Variants in ADAM9 observed in about 807,000 individuals in gnomAD.
ADAM9 encodes ADAM metallopeptidase domain 9, also known as disintegrin and metalloproteinase domain-containing protein 9.
In ADAM9, 54 loss-of-function variants were observed where a neutral mutation model predicts 108.1. The observed-to-expected ratio is 0.50, with a 90% CI of 0.40 to 0.63. ADAM9 has a LOEUF of 0.63. Among genes scored for constraint, ADAM9 ranks in the 20% least tolerant of loss-of-function variants. The probability of loss-of-function intolerance (pLI) is 0.00; values close to 1 mark genes in which losing one functional copy is unlikely to be tolerated. For missense variants in ADAM9, 830 were observed against 997.7 expected (o/e 0.83, Z 2.26); for synonymous variants, 316 against 336.0 (o/e 0.94, Z 0.65).
chr8:39,009,926 G>C (rs1306833282), intron 2 of ADAM9, among the ~76,000 whole-genome samples: 136 of 78,978 alleles, frequency 1.7e-3, no homozygotes, highest in African/African-American at 6.6e-3. Flanking sequence ...GAGAGAGAGA[G>C]AGAGAGACAA....
At position 39,023,112 on chromosome 8, in the gene ADAM9, C is replaced by T. The variant is rs185277254; in HGVS notation, c.745-44C>T. The T allele has an allele frequency of 1.5e-3, 2,283 of 1,533,674 alleles. 1 individual carries two copies. Among genetic ancestry groups the T allele is most frequent in the Non-Finnish European group, 1.9e-3 (2,141 of 1,121,106 alleles). On this transcript the variant is annotated intron_variant, in intron 8 of 21. Transcript: ENST00000487273. Reference sequence around the variant, plus strand: ...TCATGTGGTTAAAAGATTTTTCTCACGTTCTTTACTATATTTTATATACTT... The same window carrying T: ...TCATGTGGTTAAAAGATTTTTCTCATGTTCTTTACTATATTTTATATACTT...
chr8:39,033,429 A>G (rs1274494935), intron 11 of ADAM9, among the ~76,000 whole-genome samples: 1 of 151,896 alleles, frequency 6.6e-6, no homozygotes, highest in Non-Finnish European at 1.5e-5. Flanking sequence ...TCACTGCAGT[A>G]GCTAGGACTA....
chr8:39,017,500 G>T (rs1836575775), intron 6 of ADAM9, 86 bp downstream of exon 6: 1 of 1,401,020 alleles, frequency 7.1e-7, no homozygotes, highest in Non-Finnish European at 9.9e-7. Context: ...ACTATGAGTA[G>T]TGTTTTTTTT....
chr8:39,054,535 G>A lies in ADAM9; in HGVS notation c.1357G>A (p.Ala453Thr). 6.2e-7 allele frequency: 1 copy of A among 1,609,218 alleles called. No homozygotes were observed. Among genetic ancestry groups the A allele is most frequent in the Non-Finnish European group, 8.5e-7 (1 of 1,178,488 alleles). Residue 453 changes from alanine to threonine, a missense_variant, in exon 13 of 22, where the codon GCT becomes ACT. By Grantham distance (58) the Ala-to-Thr change is moderately conservative. This residue lies in a region of ADAM9 where 381 missense variants were observed against 539.8 expected (regional missense o/e 0.71). Transcript: ENST00000487273. ...AAGTACCTGTAAGCTTAAATCATTT[G>A]CTGAGTGTGCATATGGTGACTGTTG... Reference protein sequence around the residue: ...EGSTCKLKSFAECAYGDCCKD... With the variant: ...EGSTCKLKSFTECAYGDCCKD...
rs201439643 is a variant in ADAM9 at position 39,026,693 on chromosome 8, T to C, written c.1013T>C (p.Val338Ala). 417 of 1,614,206 alleles carry C rather than the reference T, an allele frequency of 2.6e-4. 1 individual carries two copies. The highest frequency in any genetic ancestry group is 3.3e-4 in the Non-Finnish European group (395 of 1,180,024). Residue 338 changes from valine (V) to alanine (A), a missense_variant, in exon 11 of 22, where the codon GTG becomes GCG. Val to Ala is a moderately conservative substitution (Grantham distance 64, BLOSUM62 0). This residue lies in a region of ADAM9 where 381 missense variants were observed against 539.8 expected (regional missense o/e 0.71). Coordinates refer to ENST00000487273, the MANE Select transcript of ADAM9 (RefSeq NM_003816.3). ...TCTGAACAGTTTGGACAAATCACTG[T>C]GGAGACATTTGCTTCCATTGTTGCT... is the stretch of plus-strand genomic sequence containing the variant. Reference protein sequence around the residue: ...GGINVFGQITVETFASIVAHE... With the variant: ...GGINVFGQITAETFASIVAHE...
intron 12 of ADAM9, among the ~76,000 whole-genome samples, chr8:39,047,944 A>G (rs1204896459): frequency 6.7e-6 from 1 of 148,496 alleles, no homozygotes; most frequent in African/African-American, 2.5e-5. Context: ...TTTTTTTGAC[A>G]GAGTCTCACT....
chr8:39,084,266 C>G (rs528215299), intron 18 of ADAM9, among the ~76,000 whole-genome samples: 44 of 150,564 alleles, frequency 2.9e-4, no homozygotes, highest in African/African-American at 1.0e-3. Flanking sequence ...TATATTTTCT[C>G]TTAGTCTGCT....
At chr8:39,096,754 A>G (rs1294767091) in intron 20 of ADAM9, among the ~76,000 whole-genome samples, 1 of 152,042 alleles carries the variant, frequency 6.6e-6, no homozygotes, top group East Asian at 1.9e-4. Flanking sequence ...CTTCTGCCTC[A>G]TCATGTTTGT....
chr8:39,005,483 ACTGGG>A, intron 1 of ADAM9, among the ~76,000 whole-genome samples: 1 of 152,360 alleles, frequency 6.6e-6, no homozygotes, highest in East Asian at 1.9e-4. Context: ...TGTTCCATGA[ACTGGG>A]CAATTGTTGG....
chr8:39,096,400 T>G (rs1330577173), intron 20 of ADAM9, among the ~76,000 whole-genome samples: 1 of 152,200 alleles, frequency 6.6e-6, no homozygotes, highest in African/African-American at 2.4e-5. Flanking sequence ...CAATCTATTT[T>G]AAACTGATTA....
Position 38,997,044 on chromosome 8 carries a change from A to C in ADAM9, c.-20A>C, listed in dbSNP as rs1835834472. On this transcript the variant is annotated 5_prime_UTR_variant, in exon 1 of 22. Transcript: ENST00000487273. Reference sequence around the variant, plus strand: ...GTGGAGGCGACCGAGTGCTGAGAGGAACCTGCGGAATCGGCCGAGATGGGG... The same window carrying C: ...GTGGAGGCGACCGAGTGCTGAGAGGCACCTGCGGAATCGGCCGAGATGGGG... 1.2e-6 allele frequency: 2 copies of C among 1,604,644 alleles called. No homozygotes were observed. Among genetic ancestry groups the C allele is most frequent in the Non-Finnish European group, 8.5e-7 (1 of 1,179,226 alleles).
intron 14 of ADAM9, among the ~76,000 whole-genome samples, chr8:39,069,060 C>T (rs1424424635): frequency 1.3e-5 from 2 of 152,162 alleles, no homozygotes; most frequent in Non-Finnish European, 2.9e-5. Flanking sequence ...GTACCTATTA[C>T]TACCAGTTTC....
In ADAM9 at chr8:39,090,215, C is replaced by G. The variant is rs763380085; in HGVS notation, c.2210+27C>G. 6 of 1,559,620 alleles carry G rather than the reference C, an allele frequency of 3.8e-6. No homozygotes were observed. In the Admixed American group the frequency reaches 1.0e-4, roughly 27 times the overall value. ...TACTTAGATTTTTTTCTTTTAATTC[C>G]TATATTAAATATATACATACATTTT... On this transcript the variant is annotated intron_variant, in intron 19 of 21. Transcript: ENST00000487273.
chr8:39,105,256 C>T lies in ADAM9; in HGVS notation c.*1556C>T, dbSNP rs1034289603. On this transcript the variant is annotated 3_prime_UTR_variant, in exon 22 of 22. Coordinates refer to ENST00000487273, the MANE Select transcript of ADAM9 (RefSeq NM_003816.3). The stretch of plus-strand genomic sequence containing the variant: ...ATACATATTAAAAATTGTGAGCAAT[C>T]TCAAATGAAGGTCCATCGTTTCATT... The T allele has an allele frequency of 2.4e-6, 1 of 420,184 alleles. No individual in the cohort carries two copies. Among genetic ancestry groups the T allele is most frequent in the African/African-American group, 2.1e-5 (1 of 48,164 alleles). The allele number at this position is 420,184 out of a possible 1,614,324, so 26.0% of individuals were successfully genotyped here. A position where few individuals can be genotyped will look rare whatever the true frequency, so the allele number is the denominator to read the frequency against.
intron 13 of ADAM9, 43 bp downstream of exon 13, chr8:39,054,616 A>AG (rs768688674): frequency 4.6e-6 from 7 of 1,526,492 alleles, no homozygotes; most frequent in Non-Finnish European, 6.2e-6. Flanking sequence ...AAAAAAAAAA[A>AG]AAAAAAGAAA....
At chr8:39,041,063 C>T (rs926735043) in intron 11 of ADAM9, among the ~76,000 whole-genome samples, 1 of 152,088 alleles carries the variant, frequency 6.6e-6, no homozygotes, top group Non-Finnish European at 1.5e-5. Flanking sequence ...GGATATCACA[C>T]CAAAAACTCA....
At chr8:39,068,754 A>G (rs986952656) in intron 14 of ADAM9, among the ~76,000 whole-genome samples, 10 of 136,168 alleles carry the variant, frequency 7.3e-5, no homozygotes, top group Non-Finnish European at 1.4e-4. Context: ...ACAGGAGGTG[A>G]GGGAAAATAA....
intron 20 of ADAM9, among the ~76,000 whole-genome samples, chr8:39,096,270 T>G (rs1433501501): frequency 6.7e-6 from 1 of 149,532 alleles, no homozygotes; most frequent in Non-Finnish European, 1.5e-5. Flanking sequence ...TACAATAAAT[T>G]AATCATTTTC....
At chr8:39,071,184 A>AG (rs1564348228) in intron 14 of ADAM9, 114 bp from the exon 15 acceptor site, 1 of 864,350 alleles carries the variant, frequency 1.2e-6, no homozygotes, top group Admixed American at 2.2e-5. Flanking sequence ...CACGGTGTTG[A>AG]GGGGTATTGA....
Sources: gnomAD v4.1 joint callset for allele counts (sites outside exome capture counted in the v4.1 genomes callset) on GRCh38, gnomAD v4.1.1 for gene constraint, gnomAD v4.1.1 regional missense constraint, MANE v1.5 for transcripts, NCBI Gene and HGNC (gene_info 2026-07-23, HGNC 2026-07-21) for gene names.